MUC22: variants seen among roughly 807,000 people sequenced by gnomAD.
MUC22 encodes mucin-22.
In MUC22, 24 loss-of-function variants were observed where a neutral mutation model predicts 40.3. The observed-to-expected ratio is 0.60, with a 90% CI of 0.43 to 0.84. The LOEUF (loss-of-function observed/expected upper bound fraction) is 0.84, where lower values mean the gene tolerates loss of function less well. MUC22 is among the 40% of genes least tolerant of loss of function. The pLI is 0.00. For synonymous variants in MUC22, 765 were observed against 844.5 expected (o/e 0.91, Z 1.63); for missense variants, 1,926 against 2,130.7 (o/e 0.90, Z 1.89).
intron 1 of MUC22, 118 bp from the exon 2 acceptor site, chr6:31,025,384 C>T (rs1337506553): frequency 1.6e-6 from 2 of 1,221,336 alleles, no homozygotes; most frequent in Non-Finnish European, 2.2e-6. Flanking sequence ...GTTAAGCCCT[C>T]AATAACTGAA....
In MUC22 at chr6:31,018,095, C is replaced by T. The variant is rs114016843; in HGVS notation, c.70+7319C>T. Among the ~76,000 whole-genome samples, 1,212 of 152,306 alleles carry T rather than the reference C, an allele frequency of 8.0e-3. 14 individuals are homozygous for T. The highest frequency in any genetic ancestry group is 0.026 in the African/African-American group (1,090 of 41,566). ...CTGTGACACTCACGGCGAGAGTCCA[C>T]GGCTTCATTGTTGAAGTCAGACCAA... is the stretch of plus-strand genomic sequence containing the variant. On this transcript the variant is annotated intron_variant, in intron 1 of 3. Coordinates refer to ENST00000561890, the Ensembl canonical transcript of MUC22.
At chr6:31,027,959 C>T (rs1247424792) in exon 2 of MUC22, 2 of 1,534,908 alleles carry the variant, frequency 1.3e-6, no homozygotes, top group Non-Finnish European at 1.7e-6. Context: ...ACTGCAGGCT[C>T]TGAGACCACC....
Position 31,032,731 on chromosome 6 carries a change from G to A in MUC22, c.5055+150G>A. 1.1e-6 allele frequency: 1 copy of A among 899,484 alleles called. No homozygotes were observed. The highest frequency in any genetic ancestry group is 1.6e-6 in the Non-Finnish European group (1 of 611,344). 55.7% of individuals were successfully genotyped at this position (899,484 alleles called of 1,614,324 possible). A position where few individuals can be genotyped will look rare whatever the true frequency, so the allele number is the denominator to read the frequency against. ...ATCACCTAGCCTGATATAAGGACCA[G>A]AGAGAATGCTTAAGTCAGAGAAAGT... On this transcript the variant is annotated intron_variant, in intron 3 of 3. Coordinates refer to ENST00000561890, the Ensembl canonical transcript of MUC22. The surrounding 1 kb of genome is among the most constrained non-coding windows in gnomAD (Gnocchi z 4.1).
At chr6:31,030,724 G>A (rs760069369) in intron 2 of MUC22, among the ~76,000 whole-genome samples, 3 of 151,986 alleles carry the variant, frequency 2.0e-5, no homozygotes, top group Non-Finnish European at 4.4e-5. Context: ...CTCCCACTTC[G>A]GTGCCAAGTA....
At position 31,026,414 on chromosome 6, in the gene MUC22, CCA is replaced by C; in HGVS notation, c.986_987del (p.Thr329SerfsTer3). ...ACCTCTACGGCAGGATCCGAGAACACCACAGTCTCTAGTGCAGGCTCTGGGAC... is the reference window on the plus strand; with the variant it reads ...ACCTCTACGGCAGGATCCGAGAACACCAGTCTCTAGTGCAGGCTCTGGGAC... On this transcript the variant is annotated frameshift_variant, in exon 2 of 4. Coordinates refer to ENST00000561890, the Ensembl canonical transcript of MUC22. LOFTEE classifies it high-confidence loss of function. The C allele has an allele frequency of 6.6e-7, 1 of 1,508,206 alleles. No homozygotes were observed. The highest frequency in any genetic ancestry group is 8.9e-7 in the Non-Finnish European group (1 of 1,129,180). 93.4% of individuals were successfully genotyped at this position (1,508,206 alleles called of 1,614,324 possible). A position where few individuals can be genotyped will look rare whatever the true frequency, so the allele number is the denominator to read the frequency against.
chr6:31,021,252 C>T (rs1353095810), intron 1 of MUC22, among the ~76,000 whole-genome samples: 2 of 152,164 alleles, frequency 1.3e-5, no homozygotes, highest in Admixed American at 6.5e-5. Context: ...CAATCAGCAC[C>T]CTGTGTGTAG....
At chr6:31,025,442 A>G (rs1333014414) in intron 1 of MUC22, 60 bp from the exon 2 acceptor site, 5 of 1,439,200 alleles carry the variant, frequency 3.5e-6, no homozygotes, top group Non-Finnish European at 4.5e-6. Context: ...GTAACACTAT[A>G]CTAAACCTGC....
chr6:31,028,350 G>T, exon 2 of MUC22: 1 of 1,533,182 alleles, frequency 6.5e-7, no homozygotes, highest in Non-Finnish European at 8.7e-7. Context: ...AAGGCTCTGA[G>T]ATTACTACAG....
At chr6:31,021,075 C>A (rs1052122880) in intron 1 of MUC22, among the ~76,000 whole-genome samples, 1 of 152,252 alleles carries the variant, frequency 6.6e-6, no homozygotes, top group Admixed American at 6.5e-5. Flanking sequence ...GGCGCCCAGT[C>A]CCACCGACCG....
exon 4 of MUC22, chr6:31,035,084 A>G: frequency 1.1e-6 from 1 of 877,416 alleles, no homozygotes; most frequent in Non-Finnish European, 1.7e-6. Context: ...GAAATAATTA[A>G]AATGGAGCAT....
At chr6:31,013,852 T>C (rs560200614) in intron 1 of MUC22, among the ~76,000 whole-genome samples, 1 of 151,652 alleles carries the variant, frequency 6.6e-6, no homozygotes, top group African/African-American at 2.4e-5. Context: ...CTACCATTAC[T>C]TCTTTGTTGG....
upstream of MUC22, among the ~76,000 whole-genome samples, chr6:31,007,457 C>T (rs542805345): frequency 8.5e-5 from 13 of 152,244 alleles, no homozygotes; most frequent in Non-Finnish European, 1.6e-4. This position sits in a 1 kb window ranked among gnomAD's most constrained non-coding sequence, Gnocchi z 4.0. Flanking sequence ...GAACTATATG[C>T]TATATGGAAG....
chr6:31,019,511 T>C (rs553310270), intron 1 of MUC22, among the ~76,000 whole-genome samples: 1 of 152,338 alleles, frequency 6.6e-6, no homozygotes, highest in East Asian at 1.9e-4. Context: ...AAAGCAGATA[T>C]CAGGGTTGGA....
rs1765328413 is a variant in MUC22 at position 31,026,299 on chromosome 6, GCC to G, written c.869_870del (p.Ala290ValfsTer6). ...GATTAAAGCCTCTGAGACCACCACA[GCC>G]TCTACAGCAGGTTCTGAGACCACCA... On this transcript the variant is annotated frameshift_variant, in exon 2 of 4. Transcript: ENST00000561890. LOFTEE classifies it high-confidence loss of function. The G allele has an allele frequency of 4.0e-6, 6 of 1,515,558 alleles. 1 individual carries two copies. Among genetic ancestry groups the G allele is most frequent in the Admixed American group, 2.0e-5 (1 of 49,614 alleles). The allele number at this position is 1,515,558 out of a possible 1,614,324, so 93.9% of individuals were successfully genotyped here.
chr6:31,009,848 A>T (rs981328415), upstream of MUC22, among the ~76,000 whole-genome samples: 2 of 152,182 alleles, frequency 1.3e-5, no homozygotes, highest in Non-Finnish European at 2.9e-5. Flanking sequence ...ATTGCCAAAG[A>T]TTGACTCAGG....
At chr6:31,019,762 G>A (rs985243649) in intron 1 of MUC22, among the ~76,000 whole-genome samples, 1 of 152,218 alleles carries the variant, frequency 6.6e-6, no homozygotes, top group African/African-American at 2.4e-5. Context: ...GCTGAGGCAG[G>A]AGAATCCCTT....
At chr6:31,029,231 C>T in exon 2 of MUC22, 11 of 1,535,546 alleles carry the variant, frequency 7.2e-6, no homozygotes, top group Non-Finnish European at 9.6e-6. Flanking sequence ...GAGACCACCA[C>T]AGTCTCTACC....
upstream of MUC22, among the ~76,000 whole-genome samples, chr6:31,009,103 A>G (rs139130850): frequency 3.3e-4 from 50 of 152,358 alleles, no homozygotes; most frequent in Middle Eastern, 3.4e-3. Flanking sequence ...CATTCTTCTT[A>G]TAACTGAAAG....
At chr6:31,021,086 C>T (rs117566273) in intron 1 of MUC22, among the ~76,000 whole-genome samples, 1,663 of 152,374 alleles carry the variant, frequency 0.011, 20 homozygotes, top group Admixed American at 0.033. Flanking sequence ...CCACCGACCG[C>T]CCACGGGCTG....
Sources: allele counts gnomAD v4.1 joint callset (sites outside exome capture counted in the v4.1 genomes callset), GRCh38; gene constraint gnomAD v4.1.1; non-coding constraint Gnocchi (gnomAD v3.1); transcripts MANE v1.5; gene names NCBI Gene and HGNC (gene_info 2026-07-23, HGNC 2026-07-21).